CCDC171: variants seen among roughly 807,000 people sequenced by gnomAD.
The protein encoded by CCDC171 is coiled-coil domain-containing protein 171.
Under a neutral mutation model 168.2 loss-of-function variants are expected in CCDC171, and 177 were observed. That is an observed-to-expected ratio of 1.05 (90% CI 0.93 to 1.19). The LOEUF (loss-of-function observed/expected upper bound fraction) is 1.19, where lower values mean the gene tolerates loss of function less well. Among genes scored for constraint, CCDC171 ranks in the 50% most tolerant of loss-of-function variants. CCDC171 has a pLI of 0.00. For missense variants in CCDC171, 1,991 were observed against 1,539.0 expected, an observed-to-expected ratio of 1.29 and a Z score of -4.91; for synonymous variants, 687 against 540.8, an observed-to-expected ratio of 1.27 and a Z score of -3.75.
the CCDC171 span, among the ~76,000 whole-genome samples, chr9:16,079,288 G>A: frequency 2.0e-5 from 3 of 152,236 alleles, no homozygotes; most frequent in Non-Finnish European, 4.4e-5. Context: ...GCTCCAATTC[G>A]TACGTGGAAA....
chr9:15,637,555 G>C (rs1014935195), intron 7 of CCDC171, among the ~76,000 whole-genome samples: 11 of 150,974 alleles, frequency 7.3e-5, no homozygotes, highest in Admixed American at 2.0e-4. Context: ...TGCCATGCTG[G>C]TGTGCTGCAC....
intron 25 of CCDC171, among the ~76,000 whole-genome samples, chr9:15,956,893 A>G (rs951838713): frequency 6.6e-6 from 1 of 152,078 alleles, no homozygotes; most frequent in Non-Finnish European, 1.5e-5. Flanking sequence ...ATACAATACT[A>G]TTATTAATGA....
intron 7 of CCDC171, among the ~76,000 whole-genome samples, chr9:15,643,910 A>T (rs1250389827): frequency 6.6e-6 from 1 of 152,172 alleles, no homozygotes; most frequent in Non-Finnish European, 1.5e-5. Context: ...TTGGTACTTC[A>T]TTCCATTTTC....
At chr9:15,720,485 A>C (rs1404389618) in intron 11 of CCDC171, among the ~76,000 whole-genome samples, 1 of 152,218 alleles carries the variant, frequency 6.6e-6, no homozygotes, top group Admixed American at 6.5e-5. Flanking sequence ...ATGAATGAAT[A>C]GTAGGACGTA....
At chr9:16,090,907 C>G in the CCDC171 span, among the ~76,000 whole-genome samples, 2 of 152,192 alleles carry the variant, frequency 1.3e-5, no homozygotes, top group Non-Finnish European at 2.9e-5. Context: ...AGAAGTAATT[C>G]TCGAAAGTTG....
At chr9:15,864,753 T>C (rs949119741) in intron 23 of CCDC171, among the ~76,000 whole-genome samples, 1 of 152,086 alleles carries the variant, frequency 6.6e-6, no homozygotes, top group African/African-American at 2.4e-5. Flanking sequence ...ACTTATTAGA[T>C]ACTAACCAAG....
chr9:16,020,680 G>A (rs147774082), exon 4 of CCDC171: 1 of 154,508 alleles, frequency 6.5e-6, no homozygotes, highest in African/African-American at 2.4e-5. Flanking sequence ...GATGGCTACT[G>A]AGTGACACAC....
At chr9:16,065,816 GT>G (rs1271046924), downstream of CCDC171, among the ~76,000 whole-genome samples, 1 of 144,730 alleles carries the variant, frequency 6.9e-6, no homozygotes, top group African/African-American at 2.8e-5. Context: ...CATGGTGTGT[GT>G]GTGTGTGTGT....
chr9:15,611,181 G>C (rs1217538084), intron 6 of CCDC171, among the ~76,000 whole-genome samples: 3 of 152,130 alleles, frequency 2.0e-5, no homozygotes, highest in Non-Finnish European at 4.4e-5. Context: ...CTTCTACCAT[G>C]ATTGTAAATT....
At chr9:15,607,397 T>C in intron 6 of CCDC171, among the ~76,000 whole-genome samples, 1 of 152,338 alleles carries the variant, frequency 6.6e-6, no homozygotes, top group East Asian at 1.9e-4. Flanking sequence ...ATTATTTTAG[T>C]ATTTTTGTTT....
intron 25 of CCDC171, among the ~76,000 whole-genome samples, chr9:15,944,333 A>G (rs779746807): frequency 4.6e-5 from 7 of 152,002 alleles, no homozygotes; most frequent in Admixed American, 1.3e-4. Flanking sequence ...AGGTAAAGGC[A>G]TAATCTGTGA....
chr9:16,028,082 G>A (rs531623312), intron 6 of CCDC171, among the ~76,000 whole-genome samples: 1 of 152,152 alleles, frequency 6.6e-6, no homozygotes, highest in Non-Finnish European at 1.5e-5. Flanking sequence ...ATTCCAGGGA[G>A]GGGGGCCAGC....
At chr9:15,952,866 T>G (rs1029890193) in intron 25 of CCDC171, among the ~76,000 whole-genome samples, 1 of 152,232 alleles carries the variant, frequency 6.6e-6, no homozygotes, top group Non-Finnish European at 1.5e-5. Flanking sequence ...CAGCAATGTT[T>G]TGTAGTATCC....
intron 24 of CCDC171, among the ~76,000 whole-genome samples, chr9:15,914,214 A>T (rs1824144901): frequency 6.6e-6 from 1 of 152,138 alleles, no homozygotes; most frequent in Non-Finnish European, 1.5e-5. Flanking sequence ...GACAGGCAGG[A>T]ACGTTTAAGT....
upstream of CCDC171, among the ~76,000 whole-genome samples, chr9:16,039,892 C>A (rs1833545154): frequency 6.6e-6 from 1 of 152,022 alleles, no homozygotes; most frequent in South Asian, 2.1e-4. Flanking sequence ...GAGTTGTGTT[C>A]ATTCTATTGC....
chr9:15,658,034 G>A (rs2048067170), intron 8 of CCDC171, among the ~76,000 whole-genome samples: 1 of 152,142 alleles, frequency 6.6e-6, no homozygotes, highest in South Asian at 2.1e-4. Context: ...AGACCTTATG[G>A]TCCACAAAAA....
rs756194820 is a variant in CCDC171, at chr9:15,801,582, CCTTT to C, written c.3267+16891_3267+16894del. 2.9e-4 allele frequency among the ~76,000 whole-genome samples: 44 copies of C among 151,950 alleles called. 1 individual carries two copies. The highest frequency in any genetic ancestry group is 1.2e-3 in the Admixed American group (18 of 15,242). The stretch of plus-strand genomic sequence containing the variant: ...GCAAACAAAGATAATTTGACTTCTT[CCTTT>C]CTAATTTGGAGGCCCTTTATTTCTT... On this transcript the variant is annotated intron_variant, in intron 21 of 25. Transcript: ENST00000380701.
intron 3 of CCDC171, among the ~76,000 whole-genome samples, chr9:16,003,821 A>G (rs1011208177): frequency 2.6e-5 from 4 of 152,246 alleles, no homozygotes; most frequent in African/African-American, 4.8e-5. Flanking sequence ...ACTGCAAAGT[A>G]TCCCTTTGGT....
At chr9:15,942,641 T>C (rs990786045) in intron 25 of CCDC171, among the ~76,000 whole-genome samples, 3 of 151,864 alleles carry the variant, frequency 2.0e-5, no homozygotes, top group African/African-American at 7.2e-5. Context: ...ATGCAAAGAA[T>C]GGAAGAAATA....
Sources: gnomAD v4.1 joint callset for allele counts (sites outside exome capture counted in the v4.1 genomes callset) on GRCh38, gnomAD v4.1.1 for gene constraint, MANE v1.5 for transcripts, NCBI Gene and HGNC (gene_info 2026-07-23, HGNC 2026-07-21) for gene names.